FLT1: variants seen among roughly 807,000 people sequenced by gnomAD.
FLT1 encodes the protein fms related receptor tyrosine kinase 1, also known as vascular endothelial growth factor receptor 1.
FLT1 carries 49 observed loss-of-function variants against 156.3 expected under a neutral mutation model. The ratio of observed to expected loss-of-function variants is 0.31; its 90% CI spans 0.25 to 0.40. FLT1 has a LOEUF of 0.40. Among genes scored for constraint, FLT1 ranks in the 10% least tolerant of loss-of-function variants. The pLI, the probability that FLT1 is intolerant of heterozygous loss-of-function variation, is 1.00. For synonymous variants in FLT1, 594 were observed against 583.8 expected, an observed-to-expected ratio of 1.02 and a Z score of -0.25; for missense variants, 1,322 against 1,637.2, an observed-to-expected ratio of 0.81 and a Z score of 3.32.
At chr13:28,488,649 G>A (rs113057566) in intron 1 of FLT1, among the ~76,000 whole-genome samples, 11 of 152,260 alleles carry the variant, frequency 7.2e-5, no homozygotes, top group Admixed American at 2.0e-4. Flanking sequence ...TGAGGATAGG[G>A]AGGCACCAGC....
At chr13:28,457,378 T>C (rs1349491904) in intron 3 of FLT1, among the ~76,000 whole-genome samples, 1 of 152,028 alleles carries the variant, frequency 6.6e-6, no homozygotes, top group Non-Finnish European at 1.5e-5. Flanking sequence ...CTAGTGAGTA[T>C]CCGAACAGGG....
intron 3 of FLT1, among the ~76,000 whole-genome samples, chr13:28,463,124 A>G (rs962344654): frequency 6.6e-6 from 1 of 152,222 alleles, no homozygotes; most frequent in African/African-American, 2.4e-5. Flanking sequence ...AATGTAAGAA[A>G]TTATTATATT....
chr13:28,333,193 CGTG>C (rs940365530), intron 18 of FLT1, among the ~76,000 whole-genome samples: 1 of 152,174 alleles, frequency 6.6e-6, no homozygotes, highest in African/African-American at 2.4e-5. Context: ...ACTAGGTACC[CGTG>C]TAGTTGGACT....
chr13:28,488,190 G>C (rs934351283), intron 1 of FLT1, among the ~76,000 whole-genome samples: 4 of 152,134 alleles, frequency 2.6e-5, no homozygotes, highest in African/African-American at 9.7e-5. Flanking sequence ...TTGAGGCCAT[G>C]AGTTCAAGAC....
chr13:28,345,193 G>A (rs3936415), intron 16 of FLT1, among the ~76,000 whole-genome samples: 63,232 of 151,870 alleles, frequency 0.42, 16,023 homozygotes, highest in African/African-American at 0.72. Flanking sequence ...AACATATTTT[G>A]TATCAAAAAT....
chr13:28,479,783 A>T (rs1209280457), intron 1 of FLT1, among the ~76,000 whole-genome samples: 3 of 152,170 alleles, frequency 2.0e-5, no homozygotes, highest in African/African-American at 7.2e-5. Context: ...ATACCCATAC[A>T]CCTTCATTAC....
intron 3 of FLT1, among the ~76,000 whole-genome samples, chr13:28,454,481 T>C (rs549485800): frequency 8.1e-4 from 124 of 152,354 alleles, no homozygotes; most frequent in Non-Finnish European, 1.5e-3. Context: ...AAGAACTTTG[T>C]TGCCATCTCT....
intron 23 of FLT1, among the ~76,000 whole-genome samples, chr13:28,320,345 G>T (rs1432699608): frequency 6.6e-6 from 1 of 152,112 alleles, no homozygotes; most frequent in Non-Finnish European, 1.5e-5. Flanking sequence ...TCAATGTGAA[G>T]TCATATGTTT....
chr13:28,398,587 T>C (rs1052712051), intron 11 of FLT1, among the ~76,000 whole-genome samples: 4 of 152,228 alleles, frequency 2.6e-5, no homozygotes, highest in Non-Finnish European at 5.9e-5. Flanking sequence ...ATTTTCACTG[T>C]GGTATAGTGA....
intron 12 of FLT1, among the ~76,000 whole-genome samples, chr13:28,394,764 G>A (rs370767095): frequency 6.6e-6 from 1 of 152,146 alleles, no homozygotes; most frequent in Non-Finnish European, 1.5e-5. Flanking sequence ...CATGCCTACC[G>A]ACAGCCTGTG....
chr13:28,303,522 C>T (rs1870609303), intron 29 of FLT1, among the ~76,000 whole-genome samples, 154 bp from the exon 30 acceptor site: 1 of 137,380 alleles, frequency 7.3e-6, no homozygotes, highest in Admixed American at 7.4e-5. Flanking sequence ...TGTCAGATTT[C>T]CTCTGTTCTA....
chr13:28,454,522 G>T (rs1879155077), intron 3 of FLT1, among the ~76,000 whole-genome samples: 2 of 152,116 alleles, frequency 1.3e-5, no homozygotes, highest in Admixed American at 6.5e-5. Context: ...CCTTGAAAAA[G>T]CTACTTAACC....
chr13:28,413,071 G>T (rs1876411653), intron 10 of FLT1, among the ~76,000 whole-genome samples: 1 of 152,018 alleles, frequency 6.6e-6, no homozygotes, highest in African/African-American at 2.4e-5. Flanking sequence ...ACGCCTTGGA[G>T]CTCATACTGA....
intron 10 of FLT1, among the ~76,000 whole-genome samples, chr13:28,422,713 T>C (rs1229054121): frequency 6.6e-6 from 1 of 152,096 alleles, no homozygotes; most frequent in Non-Finnish European, 1.5e-5. Flanking sequence ...AAAGACCCAT[T>C]CAGGCCACAC....
chr13:28,474,485 G>GACACACAGAC (rs1880428265), intron 1 of FLT1, among the ~76,000 whole-genome samples: 1 of 112,468 alleles, frequency 8.9e-6, no homozygotes, highest in African/African-American at 3.8e-5. Context: ...AACAACCACA[G>GACACACAGAC]ACACACACAC....
rs1229966997 is a variant in FLT1, at chr13:28,437,056, C to T, written c.513+1165G>A. 2.6e-5 allele frequency among the ~76,000 whole-genome samples: 4 copies of T among 152,176 alleles called. No homozygotes were observed. In the East Asian group the frequency reaches 7.7e-4, roughly 29 times the overall value. ...ATGGCAGGAACACTGAATGAGAAGG[C>T]AAGGTATTGGCTCAAATGCCCAGTA... On this transcript the variant is annotated intron_variant, in intron 4 of 29. Coordinates refer to ENST00000282397, the MANE Select transcript of FLT1 (RefSeq NM_002019.4).
intron 28 of FLT1, chr13:28,308,382 T>A: frequency 4.4e-6 from 1 of 226,912 alleles, no homozygotes; most frequent in Non-Finnish European, 8.8e-6. Context: ...CCCATTGTGA[T>A]TGGGTAGGAA....
At chr13:28,457,065 A>C (rs1190607422) in intron 3 of FLT1, among the ~76,000 whole-genome samples, 1 of 152,094 alleles carries the variant, frequency 6.6e-6, no homozygotes, top group East Asian at 1.9e-4. Flanking sequence ...CTGGTGGGGA[A>C]TGTTGATAAT....
intron 3 of FLT1, among the ~76,000 whole-genome samples, chr13:28,454,166 G>T (rs2137593799): frequency 6.6e-6 from 1 of 152,230 alleles, no homozygotes; most frequent in East Asian, 1.9e-4. Context: ...CCCCTTAAAA[G>T]TTGTTGGTAT....
Sources: allele counts gnomAD v4.1 joint callset (sites outside exome capture counted in the v4.1 genomes callset), GRCh38; gene constraint gnomAD v4.1.1; transcripts MANE v1.5; gene names NCBI Gene and HGNC (gene_info 2026-07-23, HGNC 2026-07-21).